Variants in ATF7 observed in about 807,000 individuals in gnomAD.
The protein encoded by ATF7 is activating transcription factor 7, also known as cyclic AMP-dependent transcription factor ATF-7.
In ATF7, 10 loss-of-function variants were observed where a neutral mutation model predicts 50.4. That is an observed-to-expected ratio of 0.20 (90% CI 0.12 to 0.34). ATF7 has a LOEUF of 0.34. Among genes scored for constraint, ATF7 ranks in the 10% least tolerant of loss-of-function variants. The pLI is 1.00. For missense variants in ATF7, 465 were observed against 613.9 expected, an observed-to-expected ratio of 0.76 and a Z score of 2.56; for synonymous variants, 201 against 226.4, an observed-to-expected ratio of 0.89 and a Z score of 1.01.
At position 53,563,620 on chromosome 12, in the gene ATF7, A is replaced by C. The variant is rs1374458180; in HGVS notation, c.49-10983T>G. ...CAACAGAACAAGGATGTCTCAAACA[A>C]AGTAGACTGTAAACTACTAGAGGGT... On this transcript the variant is annotated intron_variant, in intron 2 of 11. Transcript: ENST00000420353. Among the ~76,000 whole-genome samples, 4 of 152,252 alleles carry C rather than the reference A, an allele frequency of 2.6e-5. No homozygotes were observed. The East Asian group carries it at 5.8e-4, about 22-fold the overall frequency.
chr12:53,613,098 A>C (rs1176912941), intron 1 of ATF7, among the ~76,000 whole-genome samples: 1 of 152,244 alleles, frequency 6.6e-6, no homozygotes, highest in African/African-American at 2.4e-5. Flanking sequence ...ACATAGCAGT[A>C]CTAAAAAGTT....
At chr12:53,571,774 A>C (rs971689521) in intron 2 of ATF7, among the ~76,000 whole-genome samples, 2 of 152,106 alleles carry the variant, frequency 1.3e-5, no homozygotes, top group Admixed American at 6.6e-5. Flanking sequence ...ATTATATAAA[A>C]AATGTGTTTT....
At chr12:53,541,537 G>A (rs181105474) in intron 4 of ATF7, among the ~76,000 whole-genome samples, 28 of 151,830 alleles carry the variant, frequency 1.8e-4, no homozygotes, top group Middle Eastern at 6.8e-3. Flanking sequence ...ATTTCCTCTC[G>A]TCTTCCAAAC....
chr12:53,575,886 A>T (rs977543578), intron 2 of ATF7: 7 of 152,972 alleles, frequency 4.6e-5, no homozygotes, highest in African/African-American at 1.7e-4. Flanking sequence ...AGTGTAGGTA[A>T]GACTTTACCC....
chr12:53,582,327 A>T (rs1353836601), intron 2 of ATF7, among the ~76,000 whole-genome samples: 4 of 131,562 alleles, frequency 3.0e-5, no homozygotes, highest in Admixed American at 7.6e-5. Flanking sequence ...GACTCTGTCT[A>T]AAAAAAAAAA....
intron 2 of ATF7, among the ~76,000 whole-genome samples, chr12:53,571,875 T>C (rs754005339): frequency 5.9e-5 from 9 of 152,120 alleles, no homozygotes; most frequent in East Asian, 1.9e-4. Context: ...AAAACCAGCC[T>C]GGCCAACATG....
At chr12:53,529,335 G>A (rs1446321761) in intron 9 of ATF7, among the ~76,000 whole-genome samples, 1 of 152,114 alleles carries the variant, frequency 6.6e-6, no homozygotes, top group African/African-American at 2.4e-5. Flanking sequence ...GAGTAGCTGG[G>A]ATTACAGGCG....
At chr12:53,602,889 A>T (rs1354306269) in intron 1 of ATF7, among the ~76,000 whole-genome samples, 3 of 152,216 alleles carry the variant, frequency 2.0e-5, no homozygotes, top group Admixed American at 2.0e-4. Flanking sequence ...AAATGCAATG[A>T]CCAGGACCAT....
chr12:53,609,159 T>C (rs1448802846), intron 1 of ATF7, among the ~76,000 whole-genome samples: 1 of 146,218 alleles, frequency 6.8e-6, no homozygotes, highest in African/African-American at 2.5e-5. Flanking sequence ...CTTTTTTCCT[T>C]TTTTTTTTTT....
intron 1 of ATF7, among the ~76,000 whole-genome samples, chr12:53,619,151 A>G (rs1050058816): frequency 1.3e-5 from 2 of 152,172 alleles, no homozygotes; most frequent in Non-Finnish European, 2.9e-5. Flanking sequence ...GAGTAGTTTA[A>G]TTCTTTCATT....
At chr12:53,518,614 C>T (rs1263180916) in intron 11 of ATF7, among the ~76,000 whole-genome samples, 1 of 152,250 alleles carries the variant, frequency 6.6e-6, no homozygotes, top group African/African-American at 2.4e-5. Context: ...TGAGTCATCA[C>T]ACTCAGCAAG....
At chr12:53,623,910 A>T (rs1944498672) in intron 1 of ATF7, among the ~76,000 whole-genome samples, 1 of 152,228 alleles carries the variant, frequency 6.6e-6, no homozygotes, top group Non-Finnish European at 1.5e-5. Context: ...TTAACATTTT[A>T]AAACCGTGGT....
At chr12:53,622,227 G>A (rs935739669) in intron 1 of ATF7, among the ~76,000 whole-genome samples, 15 of 151,964 alleles carry the variant, frequency 9.9e-5, no homozygotes, top group South Asian at 2.1e-4. Context: ...GCTTGAAACC[G>A]GAAGTTGGAG....
At chr12:53,573,189 A>C (rs1429976609) in intron 2 of ATF7, among the ~76,000 whole-genome samples, 2 of 151,464 alleles carry the variant, frequency 1.3e-5, no homozygotes, top group Non-Finnish European at 2.9e-5. Flanking sequence ...GTTCTATTTT[A>C]TTATTAGTTG....
intron 9 of ATF7, among the ~76,000 whole-genome samples, chr12:53,529,156 G>A (rs1565923520): frequency 6.6e-6 from 1 of 152,136 alleles, no homozygotes; most frequent in Non-Finnish European, 1.5e-5. Flanking sequence ...AGTAACTCAT[G>A]ACCAGCCTGG....
At chr12:53,585,788 G>A (rs953436307) in intron 2 of ATF7, among the ~76,000 whole-genome samples, 13 of 151,932 alleles carry the variant, frequency 8.6e-5, no homozygotes, top group African/African-American at 3.1e-4. Context: ...CTGTTCATGC[G>A]GTGGAGGAAG....
At chr12:53,597,305 A>C (rs1943203933) in intron 2 of ATF7, among the ~76,000 whole-genome samples, 1 of 152,154 alleles carries the variant, frequency 6.6e-6, no homozygotes, top group African/African-American at 2.4e-5. Flanking sequence ...CCTAGCAACC[A>C]AAACATGTTT....
At chr12:53,583,399 A>T (rs894006691) in intron 2 of ATF7, among the ~76,000 whole-genome samples, 6 of 151,858 alleles carry the variant, frequency 4.0e-5, no homozygotes, top group African/African-American at 1.2e-4. Context: ...CATCACCCCC[A>T]GATGGGACCA....
chr12:53,577,715 C>G (rs1047168116), intron 2 of ATF7, among the ~76,000 whole-genome samples: 5 of 115,242 alleles, frequency 4.3e-5, no homozygotes, highest in Non-Finnish European at 8.8e-5. Context: ...GACTCCGTCT[C>G]TGAAAAAAAA....
Sources: gnomAD v4.1 joint callset for allele counts (sites outside exome capture counted in the v4.1 genomes callset) on GRCh38, gnomAD v4.1.1 for gene constraint, MANE v1.5 for transcripts, NCBI Gene and HGNC (gene_info 2026-07-23, HGNC 2026-07-21) for gene names.